Variants in SNTG1 observed in about 807,000 individuals in gnomAD.
SNTG1 encodes the protein gamma-1-syntrophin.
Under a neutral mutation model 74.7 loss-of-function variants are expected in SNTG1, and 39 were observed. The observed-to-expected ratio is 0.52, with a 90% CI of 0.40 to 0.68. The LOEUF (loss-of-function observed/expected upper bound fraction) is 0.68. Ranked by LOEUF, SNTG1 falls within the 30% of genes least tolerant of loss-of-function variation. The pLI, the probability that SNTG1 is intolerant of heterozygous loss-of-function variation, is 0.00. For synonymous variants in SNTG1, 254 were observed against 217.1 expected, an observed-to-expected ratio of 1.17 and a Z score of -1.49; for missense variants, 685 against 609.5, an observed-to-expected ratio of 1.12 and a Z score of -1.30.
rs2094687497 is a variant in SNTG1, at chr8:50,590,928, A to G, written c.849+11A>G. 6 of 1,550,090 alleles carry G rather than the reference A, an allele frequency of 3.9e-6. No individual in the cohort carries two copies. The highest frequency in any genetic ancestry group is 5.2e-6 in the Non-Finnish European group (6 of 1,143,712). On this transcript the variant is annotated intron_variant, in intron 13 of 18. Transcript: ENST00000642720. The stretch of plus-strand genomic sequence containing the variant: ...CCTGTAAACCAGCAGGTAAGATCAA[A>G]GCATACTTGGAAAGCTAAATAATAT...
At chr8:49,989,996 C>T (rs1326865953) in intron 1 of SNTG1, among the ~76,000 whole-genome samples, 1 of 151,858 alleles carries the variant, frequency 6.6e-6, no homozygotes, top group East Asian at 1.9e-4. Flanking sequence ...GCTAACATAA[C>T]TTATTGTGTA....
chr8:50,574,248 T>C (rs961196316), intron 12 of SNTG1, among the ~76,000 whole-genome samples: 52 of 152,144 alleles, frequency 3.4e-4, no homozygotes, highest in African/African-American at 1.2e-3. Context: ...ATATGAAGAT[T>C]ATTTTCATCT....
At chr8:50,420,810 A>G (rs932671876) in intron 4 of SNTG1, among the ~76,000 whole-genome samples, 18 of 151,868 alleles carry the variant, frequency 1.2e-4, no homozygotes, top group African/African-American at 4.3e-4. Context: ...GTGGATCATG[A>G]GGCCAAGAGA....
At chr8:49,918,679 T>A (rs1220994303) in intron 1 of SNTG1, among the ~76,000 whole-genome samples, 1 of 152,158 alleles carries the variant, frequency 6.6e-6, no homozygotes, top group Non-Finnish European at 1.5e-5. Flanking sequence ...CAGGGATGGA[T>A]AAGATTATGC....
At chr8:50,628,387 AT>A (rs568007949) in intron 13 of SNTG1, among the ~76,000 whole-genome samples, 19 of 151,638 alleles carry the variant, frequency 1.3e-4, no homozygotes, top group African/African-American at 4.6e-4. Context: ...TAGTTTGTGC[AT>A]TTTTTTCTGT....
intron 5 of SNTG1, among the ~76,000 whole-genome samples, chr8:50,444,671 A>G (rs2093388983): frequency 6.6e-6 from 1 of 151,100 alleles, no homozygotes; most frequent in South Asian, 2.1e-4. Flanking sequence ...AATCGCTTGA[A>G]CCTGGGAGGC....
At chr8:49,993,568 C>T (rs377206064) in intron 1 of SNTG1, among the ~76,000 whole-genome samples, 1 of 152,038 alleles carries the variant, frequency 6.6e-6, no homozygotes, top group Non-Finnish European at 1.5e-5. Flanking sequence ...CCTCCCACAC[C>T]CCGAAAGGCC....
chr8:50,240,911 T>C (rs988698220), intron 2 of SNTG1, among the ~76,000 whole-genome samples: 3 of 152,220 alleles, frequency 2.0e-5, no homozygotes, highest in African/African-American at 4.8e-5. Context: ...GGTGATGATT[T>C]ATATTTTTCT....
intron 15 of SNTG1, among the ~76,000 whole-genome samples, chr8:50,698,023 T>C (rs374657383): frequency 1.3e-5 from 2 of 152,306 alleles, no homozygotes; most frequent in East Asian, 1.9e-4. Flanking sequence ...TTCTTCCTTG[T>C]ACATTTGCTA....
intron 12 of SNTG1, among the ~76,000 whole-genome samples, chr8:50,587,850 G>T (rs1428630064): frequency 1.3e-5 from 2 of 151,602 alleles, no homozygotes; most frequent in African/African-American, 4.8e-5. Flanking sequence ...CATGGCTCAT[G>T]CCTGTAATCC....
intron 1 of SNTG1, among the ~76,000 whole-genome samples, chr8:49,924,833 A>G (rs1806871120): frequency 6.6e-6 from 1 of 151,806 alleles, no homozygotes; most frequent in Admixed American, 6.6e-5. Context: ...ATGATATTCA[A>G]TCATGGTTGA....
chr8:50,300,389 T>A (rs1430683786), intron 2 of SNTG1, among the ~76,000 whole-genome samples: 1 of 152,158 alleles, frequency 6.6e-6, no homozygotes, highest in Non-Finnish European at 1.5e-5. Flanking sequence ...CCCAGAGTCC[T>A]GGAAGAGGGT....
At chr8:50,507,573 G>A (rs933575936) in intron 9 of SNTG1, among the ~76,000 whole-genome samples, 4 of 152,106 alleles carry the variant, frequency 2.6e-5, no homozygotes, top group African/African-American at 7.2e-5. Context: ...ATTTCTAGAA[G>A]GTTATCTATT....
At chr8:50,148,646 C>T (rs551788031) in intron 1 of SNTG1, among the ~76,000 whole-genome samples, 9 of 152,112 alleles carry the variant, frequency 5.9e-5, no homozygotes, top group African/African-American at 1.2e-4. Flanking sequence ...TGAGAACATG[C>T]GGTGTTTGGT....
At chr8:50,284,943 G>A (rs1222920839) in intron 2 of SNTG1, among the ~76,000 whole-genome samples, 1 of 151,864 alleles carries the variant, frequency 6.6e-6, no homozygotes, top group Non-Finnish European at 1.5e-5. Context: ...AAAAGTATTT[G>A]TTTGCTTGGA....
At chr8:50,021,235 T>C (rs970497867) in intron 1 of SNTG1, among the ~76,000 whole-genome samples, 1 of 152,212 alleles carries the variant, frequency 6.6e-6, no homozygotes, top group Non-Finnish European at 1.5e-5. Flanking sequence ...GTTATATCTA[T>C]AATCTTCCAA....
At chr8:50,293,416 T>C (rs201067058) in intron 2 of SNTG1, among the ~76,000 whole-genome samples, 10,164 of 133,482 alleles carry the variant, frequency 0.076, 397 homozygotes, top group South Asian at 0.096. Context: ...TTTTTTTTTT[T>C]CTTTTTTTTT....
chr8:50,695,335 C>T (rs1348780128), intron 15 of SNTG1, among the ~76,000 whole-genome samples: 2 of 151,692 alleles, frequency 1.3e-5, no homozygotes, highest in South Asian at 2.1e-4. Context: ...TCAAACAATA[C>T]CGTTTATAAT....
chr8:50,651,788 T>C, intron 13 of SNTG1, among the ~76,000 whole-genome samples: 1 of 150,716 alleles, frequency 6.6e-6, no homozygotes, highest in Non-Finnish European at 1.5e-5. Context: ...TTAAATTATT[T>C]ATTTTTTTGA....
Sources: gnomAD v4.1 joint callset for allele counts (sites outside exome capture counted in the v4.1 genomes callset) on GRCh38, gnomAD v4.1.1 for gene constraint, MANE v1.5 for transcripts, NCBI Gene and HGNC (gene_info 2026-07-23, HGNC 2026-07-21) for gene names.